Variants in GAB3 observed in about 807,000 individuals in gnomAD.
GAB3 encodes the protein GRB2 associated binding protein 3.
A neutral mutation model predicts 40.4 loss-of-function variants in GAB3; 12 were observed. That is an observed-to-expected ratio of 0.30 (90% CI 0.19 to 0.48). The LOEUF (loss-of-function observed/expected upper bound fraction) is 0.48, where lower values mean the gene tolerates loss of function less well. GAB3 is among the 20% of genes least tolerant of loss of function. The pLI is 0.99. For missense variants in GAB3, 381 were observed against 461.9 expected, an observed-to-expected ratio of 0.82 and a Z score of 1.61; for synonymous variants, 154 against 176.7, an observed-to-expected ratio of 0.87 and a Z score of 1.02.
intron 1 of GAB3, among the ~76,000 whole-genome samples, chrX:154,730,749 T>A (rs1402130639): frequency 8.0e-5 from 9 of 111,825 alleles, no homozygotes; most frequent in African/African-American, 2.9e-4. Flanking sequence ...GTTACACACT[T>A]CTCCTCTCTA....
At chrX:154,691,354 C>T (rs1290536032) in intron 8 of GAB3, among the ~76,000 whole-genome samples, 2 of 107,120 alleles carry the variant, frequency 1.9e-5, no homozygotes, top group South Asian at 4.2e-4. Flanking sequence ...ACCAGCATGG[C>T]ACATGTATAC....
At chrX:154,710,283 T>TGA (rs1557255374) in intron 4 of GAB3, among the ~76,000 whole-genome samples, 1 of 111,637 alleles carries the variant, frequency 9.0e-6, no homozygotes, top group African/African-American at 3.3e-5. Context: ...CCTCCTCAAA[T>TGA]CCCCAATATA....
intron 4 of GAB3, among the ~76,000 whole-genome samples, chrX:154,709,486 AT>A (rs1375535402): frequency 9.2e-6 from 1 of 108,880 alleles, no homozygotes; most frequent in Admixed American, 9.9e-5. Flanking sequence ...ACACTGGGTA[AT>A]TTTTGTATTT....
chrX:154,724,851 G>A (rs1052397516), intron 1 of GAB3, among the ~76,000 whole-genome samples: 1 of 111,847 alleles, frequency 8.9e-6, no homozygotes, highest in Admixed American at 9.5e-5. Context: ...ACAAAGGTGC[G>A]AGTACCTGCA....
chrX:154,708,797 T>C (rs2070859355), intron 4 of GAB3, among the ~76,000 whole-genome samples: 2 of 112,136 alleles, frequency 1.8e-5, no homozygotes, highest in African/African-American at 6.5e-5. Context: ...GAAAACAGTA[T>C]GGAGGTTCCT....
At chrX:154,701,494 C>A (rs1034310452) in intron 4 of GAB3, among the ~76,000 whole-genome samples, 8 of 112,374 alleles carry the variant, frequency 7.1e-5, no homozygotes, top group Admixed American at 5.6e-4. Flanking sequence ...TGACAGCATT[C>A]ATTGCAAGCT....
chrX:154,746,816 C>T lies in GAB3; in HGVS notation c.72+4138G>A, dbSNP rs145195200. On this transcript the variant is annotated intron_variant, in intron 1 of 9. Transcript: ENST00000424127. ...ATTGACAAACCAATCCTAAAATTGCCATAGAAAAACAAAGGACCTAAAATA... is the reference window on the plus strand; with the variant it reads ...ATTGACAAACCAATCCTAAAATTGCTATAGAAAAACAAAGGACCTAAAATA... Among the ~76,000 whole-genome samples, 46 of 111,878 alleles carry T rather than the reference C, an allele frequency of 4.1e-4. No homozygotes were observed. The East Asian group carries it at 0.012, about 29-fold the overall frequency.
At chrX:154,696,907 C>A (rs951330426) in intron 7 of GAB3, among the ~76,000 whole-genome samples, 8 of 112,612 alleles carry the variant, frequency 7.1e-5, no homozygotes, top group African/African-American at 1.9e-4. Flanking sequence ...TGAGTAGATT[C>A]CTTGGGTTCC....
chrX:154,677,971 T>C lies in GAB3; in HGVS notation c.*207A>G, dbSNP rs1390498956. The C allele has an allele frequency of 3.1e-5, 10 of 324,301 alleles. No individual in the cohort carries two copies. The highest frequency in any genetic ancestry group is 5.3e-5 in the Non-Finnish European group (10 of 189,129). The allele number at this position is 324,301 out of a possible 1,213,427, so 26.7% of individuals were successfully genotyped here. ...CTCAGAGCCCCCTCCGGAAGGCAAC[T>C]GCTTCCTTCTTTTCTTCCTTCAATG... On this transcript the variant is annotated 3_prime_UTR_variant, in exon 10 of 10. Coordinates refer to ENST00000424127, the MANE Select transcript of GAB3 (RefSeq NM_001081573.3).
At position 154,696,119 on chromosome X, in the gene GAB3, C is replaced by G. The variant is rs1397675255; in HGVS notation, c.1428-100G>C. ...GCCCTCATGGGGTTTCAGCCCTCCT[C>G]TTCCAGACACAACTTCCTTCCGGCC... On this transcript the variant is annotated intron_variant, in intron 7 of 9. Coordinates refer to ENST00000424127, the MANE Select transcript of GAB3 (RefSeq NM_001081573.3). The G allele has an allele frequency of 4.0e-5, 17 of 423,592 alleles. No individual in the cohort carries two copies. In the African/African-American group the frequency reaches 4.2e-4, roughly 10 times the overall value. 34.9% of individuals were successfully genotyped at this position (423,592 alleles called of 1,213,427 possible).
chrX:154,679,924 T>C (rs782008537), intron 9 of GAB3, among the ~76,000 whole-genome samples: 15 of 112,209 alleles, frequency 1.3e-4, no homozygotes, highest in Admixed American at 5.7e-4. Context: ...TATTTATACA[T>C]ACACACACAA....
At chrX:154,710,516 GGCAGAGGGGGCGC>G (rs2070925055) in intron 4 of GAB3, among the ~76,000 whole-genome samples, 1 of 111,819 alleles carries the variant, frequency 8.9e-6, no homozygotes, top group African/African-American at 3.3e-5. Context: ...CTTCATCTAT[GGCAGAGGGGGCGC>G]TGGAGAGCCA....
Position 154,678,100 on chromosome X carries a change from CAAA to C in GAB3, c.*75_*77del, listed in dbSNP as rs371001859. ...TGACCATCAGTGTGTTTTTAGTGGA[CAAA>C]AAAAAAAAAAAAAGAAAAAACTCAA... On this transcript the variant is annotated 3_prime_UTR_variant, in exon 10 of 10. Coordinates refer to ENST00000424127, the MANE Select transcript of GAB3 (RefSeq NM_001081573.3). The C allele has an allele frequency of 3.1e-3, 1,248 of 397,333 alleles. No individual in the cohort carries two copies. Among genetic ancestry groups the C allele is most frequent in the Admixed American group, 4.6e-3 (94 of 20,240 alleles). The allele number at this position is 397,333 out of a possible 1,213,427, so 32.7% of individuals were successfully genotyped here. A position where few individuals can be genotyped will look rare whatever the true frequency, so the allele number is the denominator to read the frequency against.
chrX:154,736,425 C>A (rs1340208045), intron 1 of GAB3, among the ~76,000 whole-genome samples: 1 of 112,399 alleles, frequency 8.9e-6, no homozygotes, highest in Admixed American at 9.3e-5. Context: ...AATGGAAGTA[C>A]AATAATACCA....
At chrX:154,747,436 T>C (rs1410610975) in intron 1 of GAB3, among the ~76,000 whole-genome samples, 1 of 112,692 alleles carries the variant, frequency 8.9e-6, no homozygotes, top group Non-Finnish European at 1.9e-5. Context: ...ACCTCACAGC[T>C]TTTATAAAAT....
chrX:154,686,057 T>C (rs2070444682), intron 8 of GAB3, among the ~76,000 whole-genome samples: 1 of 111,272 alleles, frequency 9.0e-6, no homozygotes, highest in Admixed American at 9.6e-5. Flanking sequence ...ATACCAAAAA[T>C]TTAAAGAATA....
intron 1 of GAB3, among the ~76,000 whole-genome samples, chrX:154,732,769 T>C (rs899896636): frequency 4.5e-5 from 5 of 110,782 alleles, no homozygotes; most frequent in African/African-American, 1.6e-4. Context: ...AATGAATTTT[T>C]TCAGGGTGGT....
At chrX:154,708,803 T>C (rs903790034) in intron 4 of GAB3, among the ~76,000 whole-genome samples, 10 of 111,367 alleles carry the variant, frequency 9.0e-5, no homozygotes, top group Non-Finnish European at 7.6e-5. Context: ...AGTATGGAGG[T>C]TCCTCAGAAA....
At chrX:154,728,530 A>C (rs1315386041) in intron 1 of GAB3, among the ~76,000 whole-genome samples, 4 of 112,482 alleles carry the variant, frequency 3.6e-5, no homozygotes, top group African/African-American at 1.3e-4. Context: ...ACAAGGAGAA[A>C]AAAAAATGTT....
Sources: gnomAD v4.1 joint callset for allele counts (sites outside exome capture counted in the v4.1 genomes callset) on GRCh38, gnomAD v4.1.1 for gene constraint, MANE v1.5 for transcripts, NCBI Gene and HGNC (gene_info 2026-07-23, HGNC 2026-07-21) for gene names.